The following ZNF318 variants were observed in gnomAD, a reference collection of about 807,000 sequenced individuals.
ZNF318 encodes the protein zinc finger protein 318.
A neutral mutation model predicts 124.2 loss-of-function variants in ZNF318; 51 were observed. The observed-to-expected ratio is 0.41, with a 90% CI of 0.33 to 0.52. The LOEUF (loss-of-function observed/expected upper bound fraction) is 0.52. ZNF318 is among the 20% of genes least tolerant of loss of function. The pLI, the probability that ZNF318 is intolerant of heterozygous loss-of-function variation, is 0.23. For missense variants in ZNF318, 2,815 were observed against 2,811.2 expected (o/e 1.00, Z -0.03); for synonymous variants, 1,090 against 1,040.7 (o/e 1.05, Z -0.91).
At chr6:43,347,323 C>CA (rs1477005454) in intron 6 of ZNF318, among the ~76,000 whole-genome samples, 1 of 152,044 alleles carries the variant, frequency 6.6e-6, no homozygotes, top group African/African-American at 2.4e-5. Flanking sequence ...GCTATATGTG[C>CA]AAAAAGAGTT....
Position 43,339,169 on chromosome 6 carries a change from G to A in ZNF318, c.4829C>T (p.Ser1610Leu). Residue 1610 changes from serine (S) to leucine (L), a missense_variant, in exon 10 of 10, where the codon TCA (serine) becomes TTA (leucine). Coordinates refer to ENST00000361428, the MANE Select transcript of ZNF318 (RefSeq NM_014345.3). This position sits in a 1 kb window ranked among gnomAD's most constrained non-coding sequence, Gnocchi z 4.2. The stretch of plus-strand genomic sequence containing the variant: ...CAAAGGAGAAGTAGAAGAGGTGTCT[G>A]AACTTTTGGTTCTAGAGAGGTTGCT... ...ENSNLSRTKS[S>L]DTSSTSPLNS... The A allele has an allele frequency of 6.2e-7, 1 of 1,614,164 alleles. No homozygotes were observed. Among genetic ancestry groups the A allele is most frequent in the Non-Finnish European group, 8.5e-7 (1 of 1,180,038 alleles).
At position 43,338,569 on chromosome 6, in the gene ZNF318, T is replaced by C. The variant is rs775124081; in HGVS notation, c.5429A>G (p.Asn1810Ser). 6.2e-7 allele frequency: 1 copy of C among 1,614,204 alleles called. No individual in the cohort carries two copies. Among genetic ancestry groups the C allele is most frequent in the Non-Finnish European group, 8.5e-7 (1 of 1,180,044 alleles). ...CATGTATCTGTTTCCATGGTTCAAA[T>C]TAGAATCATCTATGCTGTGGGGTCC... Reference protein sequence around the residue: ...SIGPHSIDDSNLNHGNRYMWE... With the variant: ...SIGPHSIDDSSLNHGNRYMWE... The change falls in exon 10 of 10, where the codon AAT (asparagine) becomes AGT (serine). Residue 1810 changes from asparagine to serine, a missense_variant. Transcript: ENST00000361428.
chr6:43,368,998 C>A lies in ZNF318; in HGVS notation c.368G>T (p.Arg123Leu). 7.0e-7 allele frequency: 1 copy of A among 1,434,476 alleles called. No homozygotes were observed. Among genetic ancestry groups the A allele is most frequent in the South Asian group, 1.3e-5 (1 of 74,286 alleles). The allele number at this position is 1,434,476 out of a possible 1,614,324, so 88.9% of individuals were successfully genotyped here. A position where few individuals can be genotyped will look rare whatever the true frequency, so the allele number is the denominator to read the frequency against. The change falls in exon 1 of 10, where the codon CGC becomes CTC. Residue 123 changes from arginine to leucine, a missense_variant. Transcript: ENST00000361428. ...ESRADYARDG[R>L]GDHPGDSGSR... ...GCCGCTGTCGCCTGGATGGTCTCCG[C>A]GGCCGTCCCGGGCATAGTCGGCGCG...
At chr6:43,346,677 T>C (rs1779452772) in intron 6 of ZNF318, among the ~76,000 whole-genome samples, 1 of 152,164 alleles carries the variant, frequency 6.6e-6, no homozygotes, top group Non-Finnish European at 1.5e-5. Flanking sequence ...TGGAAATTCT[T>C]CATGGAAGAG....
In ZNF318 at chr6:43,346,836, T is replaced by C. The variant is rs551839005; in HGVS notation, c.3072+1488A>G. On this transcript the variant is annotated intron_variant, in intron 6 of 9. Coordinates refer to ENST00000361428, the MANE Select transcript of ZNF318 (RefSeq NM_014345.3). Reference sequence around the variant, plus strand: ...CATTTTGAGGTGACGCAGCGTAAGATGTAATATAATGTTTCTTCAGCAGTA... The same window carrying C: ...CATTTTGAGGTGACGCAGCGTAAGACGTAATATAATGTTTCTTCAGCAGTA... 2.6e-5 allele frequency among the ~76,000 whole-genome samples: 4 copies of C among 152,280 alleles called. No individual in the cohort carries two copies. The East Asian group carries it at 7.7e-4, about 29-fold the overall frequency.
At chr6:43,360,159 A>T (rs1168273689) in intron 2 of ZNF318, among the ~76,000 whole-genome samples, 1 of 152,250 alleles carries the variant, frequency 6.6e-6, no homozygotes, top group Non-Finnish European at 1.5e-5. Context: ...ACGGCATACT[A>T]GCCCAAGGTC....
chr6:43,366,109 T>C (rs1581653227), intron 1 of ZNF318, among the ~76,000 whole-genome samples: 1 of 152,148 alleles, frequency 6.6e-6, no homozygotes, highest in South Asian at 2.1e-4. Flanking sequence ...AAGGAGTTAC[T>C]TCAGATAGGA....
chr6:43,351,736 G>A (rs1562132088), intron 5 of ZNF318, among the ~76,000 whole-genome samples: 1 of 151,582 alleles, frequency 6.6e-6, no homozygotes, highest in Admixed American at 6.6e-5. Context: ...ACTCCAGCCT[G>A]GGCAACAGAG....
At chr6:43,366,366 G>T (rs1779761562) in intron 1 of ZNF318, among the ~76,000 whole-genome samples, 1 of 152,186 alleles carries the variant, frequency 6.6e-6, no homozygotes, top group South Asian at 2.1e-4. Flanking sequence ...ACAGTTATAG[G>T]AGGGTTTTAC....
At chr6:43,352,145 AATCATCATCATCATC>A (rs3078977) in intron 5 of ZNF318, among the ~76,000 whole-genome samples, 2 of 117,062 alleles carry the variant, frequency 1.7e-5, no homozygotes, top group Admixed American at 8.5e-5. Flanking sequence ...CTTCGTCTCA[AATCATCATCATCATC>A]ATCATCATCA....
In ZNF318 at chr6:43,338,554, T is replaced by C. The variant is rs776229089; in HGVS notation, c.5444A>G (p.Asn1815Ser). ...TACTTCTCCCTCCCACATGTATCTG[T>C]TTCCATGGTTCAAATTAGAATCATC... Reference protein sequence around the residue: ...SIDDSNLNHGNRYMWEGEVKQ... With the variant: ...SIDDSNLNHGSRYMWEGEVKQ... Residue 1815 changes from asparagine (N) to serine (S), a missense_variant, in exon 10 of 10, where the codon AAC (asparagine) becomes AGC (serine). By Grantham distance (46) the Asn-to-Ser change is conservative. This residue lies in a region of ZNF318 where 927 missense variants were observed against 820.6 expected (regional missense o/e 1.13). Coordinates refer to ENST00000361428, the MANE Select transcript of ZNF318 (RefSeq NM_014345.3). 20 of 1,614,076 alleles carry C rather than the reference T, an allele frequency of 1.2e-5. No homozygotes were observed. The highest frequency in any genetic ancestry group is 1.7e-5 in the Admixed American group (1 of 60,008).
At chr6:43,344,364 T>G (rs1028379182) in intron 6 of ZNF318, among the ~76,000 whole-genome samples, 2 of 152,168 alleles carry the variant, frequency 1.3e-5, no homozygotes, top group Non-Finnish European at 2.9e-5. Context: ...CTATGGAAAT[T>G]ATCATGTCAA....
At chr6:43,368,844 G>A (rs1041946163) in intron 1 of ZNF318, 123 bp downstream of exon 1, 2 of 1,233,936 alleles carry the variant, frequency 1.6e-6, no homozygotes, top group Non-Finnish European at 1.0e-6. Flanking sequence ...CATCCCCGAG[G>A]GAGTTGGCCG....
At chr6:43,352,174 T>C (rs1327351101) in intron 5 of ZNF318, among the ~76,000 whole-genome samples, 14 of 151,702 alleles carry the variant, frequency 9.2e-5, no homozygotes, top group Admixed American at 2.6e-4. Flanking sequence ...ATCATCATCA[T>C]CATCATCATC....
chr6:43,339,076 T>C lies in ZNF318; in HGVS notation c.4922A>G (p.Asn1641Ser), dbSNP rs138753216. The C allele has an allele frequency of 9.9e-6, 16 of 1,614,148 alleles. No individual in the cohort carries two copies. Among genetic ancestry groups the C allele is most frequent in the African/African-American group, 6.7e-5 (5 of 75,030 alleles). ...AGTTTTTGCAATGGGCTTTTCAGAG[T>C]TGCTAACTATAGGAGCAGCGACCAA... ...EGLVAAPIVS[N>S]SEKPIAKTLV... The change falls in exon 10 of 10, where the codon AAC (asparagine) becomes AGC (serine). Residue 1641 changes from asparagine to serine, a missense_variant. Physicochemically the swap from Asn to Ser is conservative, Grantham distance 46 (BLOSUM62 1). Coordinates refer to ENST00000361428, the MANE Select transcript of ZNF318 (RefSeq NM_014345.3). The surrounding 1 kb of genome is among the most constrained non-coding windows in gnomAD (Gnocchi z 4.2).
rs1779277982 is a variant in ZNF318, at chr6:43,336,261, T to A, written c.*897A>T. On this transcript the variant is annotated 3_prime_UTR_variant, in exon 10 of 10. Coordinates refer to ENST00000361428, the MANE Select transcript of ZNF318 (RefSeq NM_014345.3). Reference sequence around the variant, plus strand: ...ATGGGTTTGTGGAACAGGGAATGAGTTCAATCTCAAGACAAGTTTCAGAGA... The same window carrying A: ...ATGGGTTTGTGGAACAGGGAATGAGATCAATCTCAAGACAAGTTTCAGAGA... The A allele has an allele frequency of 6.6e-6, 1 of 152,300 alleles. No homozygotes were observed. The highest frequency in any genetic ancestry group is 2.1e-4 in the South Asian group (1 of 4,820). The allele number at this position is 152,300 out of a possible 1,614,324, so 9.4% of individuals were successfully genotyped here.
At chr6:43,368,624 C>G (rs1779792395) in intron 1 of ZNF318, 2 of 971,368 alleles carry the variant, frequency 2.1e-6, no homozygotes, top group Non-Finnish European at 2.4e-6. Context: ...TACGGAACCC[C>G]GAGGACACAT....
In ZNF318 at chr6:43,369,359, G is replaced by A; in HGVS notation, c.7C>T (p.Arg3Cys). ...GAGACGGAGGAGCGAGCGCTGCTGC[G>A]GTACATGGTTCTTGCAGCGGCGGCC... Reference protein sequence around the residue: MYRSSARSSVSSH... With the variant: MYCSSARSSVSSH... Residue 3 changes from arginine (R) to cysteine (C), a missense_variant, in exon 1 of 10, where the codon CGC (arginine) becomes TGC (cysteine). Arg to Cys is a radical substitution (Grantham distance 180). Coordinates refer to ENST00000361428, the MANE Select transcript of ZNF318 (RefSeq NM_014345.3). The A allele has an allele frequency of 7.7e-7, 1 of 1,295,472 alleles. No homozygotes were observed. The highest frequency in any genetic ancestry group is 3.4e-5 in the Admixed American group (1 of 29,016). The allele number at this position is 1,295,472 out of a possible 1,614,324, so 80.2% of individuals were successfully genotyped here. A position where few individuals can be genotyped will look rare whatever the true frequency, so the allele number is the denominator to read the frequency against.
Position 43,369,587 on chromosome 6 carries a change from A to ACC in ZNF318, c.-224_-223dup, listed in dbSNP as rs796922440. 13,681 of 144,020 alleles carry ACC rather than the reference A, an allele frequency of 0.095. 661 individuals are homozygous for ACC. The highest frequency in any genetic ancestry group is 0.12 in the Admixed American group (1,742 of 14,124). 8.9% of individuals were successfully genotyped at this position (144,020 alleles called of 1,614,324 possible). ...GAGGGCGCGAGCACGCGTCCGACAC[A>ACC]CCCCCCCCCGCCTCCGGGGTTCCCC... On this transcript the variant is annotated 5_prime_UTR_variant, in exon 1 of 10. Coordinates refer to ENST00000361428, the MANE Select transcript of ZNF318 (RefSeq NM_014345.3).
Sources: gnomAD v4.1 joint callset for allele counts (sites outside exome capture counted in the v4.1 genomes callset) on GRCh38, gnomAD v4.1.1 for gene constraint, gnomAD v4.1.1 regional missense constraint, Gnocchi (gnomAD v3.1) non-coding constraint, MANE v1.5 for transcripts, NCBI Gene and HGNC (gene_info 2026-07-23, HGNC 2026-07-21) for gene names.